Variants in DSCAM observed in about 807,000 individuals in gnomAD.
The protein encoded by DSCAM is DS cell adhesion molecule, also known as cell adhesion molecule DSCAM.
DSCAM carries 47 observed loss-of-function variants against 217.7 expected under a neutral mutation model. That is an observed-to-expected ratio of 0.22 (90% confidence interval 0.17 to 0.28). The LOEUF (loss-of-function observed/expected upper bound fraction) is 0.28, where lower values mean the gene tolerates loss of function less well. Ranked by LOEUF, DSCAM falls within the 10% of genes least tolerant of loss-of-function variation. The probability of loss-of-function intolerance (pLI) is 1.00; values close to 1 mark genes in which losing one functional copy is unlikely to be tolerated. For missense variants in DSCAM, 2,080 were observed against 2,618.3 expected (o/e 0.79, Z 4.49); for synonymous variants, 1,056 against 1,015.3 (o/e 1.04, Z -0.76).
chr21:40,122,868 G>A (rs1193610077), intron 20 of DSCAM, among the ~76,000 whole-genome samples: 1 of 152,152 alleles, frequency 6.6e-6, no homozygotes, highest in Non-Finnish European at 1.5e-5. Flanking sequence ...GGGTACACCA[G>A]GCCTCAGGGG....
At chr21:40,101,472 A>C (rs2146610413) in intron 20 of DSCAM, among the ~76,000 whole-genome samples, 1 of 151,590 alleles carries the variant, frequency 6.6e-6, no homozygotes. Context: ...TTTTTCACAG[A>C]TGGATGGACG....
intron 3 of DSCAM, among the ~76,000 whole-genome samples, chr21:40,581,562 A>G (rs1165975896): frequency 6.6e-6 from 1 of 152,138 alleles, no homozygotes; most frequent in Non-Finnish European, 1.5e-5. Context: ...CCCAGGTGTG[A>G]GAGGAGGGGA....
chr21:40,537,802 A>T (rs2076511083), intron 3 of DSCAM, among the ~76,000 whole-genome samples: 1 of 152,152 alleles, frequency 6.6e-6, no homozygotes, highest in Non-Finnish European at 1.5e-5. Flanking sequence ...TGACTCCTTG[A>T]TCTCAGAATT....
chr21:40,469,554 A>G (rs2145964806), intron 3 of DSCAM, among the ~76,000 whole-genome samples: 1 of 152,348 alleles, frequency 6.6e-6, no homozygotes, highest in East Asian at 1.9e-4. Flanking sequence ...AGCAAAAAGG[A>G]AAAATGTAAT....
intron 3 of DSCAM, among the ~76,000 whole-genome samples, chr21:40,408,668 T>C (rs1363633131): frequency 6.6e-6 from 1 of 152,198 alleles, no homozygotes; most frequent in Non-Finnish European, 1.5e-5. Flanking sequence ...TTTGTTTTTG[T>C]CTGTTGATGT....
chr21:40,060,373 A>T (rs2089097166), intron 28 of DSCAM, among the ~76,000 whole-genome samples: 1 of 152,248 alleles, frequency 6.6e-6, no homozygotes, highest in South Asian at 2.1e-4. Flanking sequence ...AATCATCCTA[A>T]TTGAGCAAAT....
At chr21:40,235,908 G>C (rs1601468668) in intron 11 of DSCAM, among the ~76,000 whole-genome samples, 1 of 152,282 alleles carries the variant, frequency 6.6e-6, no homozygotes, top group South Asian at 2.1e-4. Flanking sequence ...CTGTTGCATG[G>C]ATAATTTTTC....
chr21:40,721,021 G>A (rs1569001588), intron 1 of DSCAM, among the ~76,000 whole-genome samples: 1 of 149,394 alleles, frequency 6.7e-6, no homozygotes, highest in Non-Finnish European at 1.5e-5. Flanking sequence ...GCTCACACAG[G>A]GGAGAAAATA....
chr21:40,028,502 C>T (rs940836178), intron 32 of DSCAM, among the ~76,000 whole-genome samples: 4 of 151,920 alleles, frequency 2.6e-5, no homozygotes, highest in African/African-American at 9.7e-5. Flanking sequence ...ATCAGCGAGA[C>T]TCCATGGGCG....
intron 16 of DSCAM, among the ~76,000 whole-genome samples, chr21:40,152,865 G>A (rs548828364): frequency 3.1e-4 from 47 of 152,180 alleles, no homozygotes; most frequent in Non-Finnish European, 5.3e-4. Context: ...TTTCCCTCAT[G>A]CCTCCTGCCC....
At chr21:40,584,211 C>A (rs2076926727) in intron 3 of DSCAM, among the ~76,000 whole-genome samples, 1 of 152,186 alleles carries the variant, frequency 6.6e-6, no homozygotes, top group Non-Finnish European at 1.5e-5. Flanking sequence ...TGGTGTTACA[C>A]AGGGGCACAG....
In DSCAM at chr21:40,244,880, C is replaced by T. The variant is rs142377920; in HGVS notation, c.2356+31217G>A. Among the ~76,000 whole-genome samples, 46 of 152,256 alleles carry T rather than the reference C, an allele frequency of 3.0e-4. No individual in the cohort carries two copies. The East Asian group carries it at 4.3e-3, about 14-fold the overall frequency. ...CTGTTATGATTTGCATGCAGAAGTA[C>T]TTGAAAATCTGTACTGGCAATTAGC... On this transcript the variant is annotated intron_variant, in intron 11 of 32. Transcript: ENST00000400454.
At chr21:40,821,585 T>C (rs1177037586) in intron 1 of DSCAM, among the ~76,000 whole-genome samples, 1 of 152,216 alleles carries the variant, frequency 6.6e-6, no homozygotes, top group Non-Finnish European at 1.5e-5. Flanking sequence ...CATTTTTAGC[T>C]GCATCCATGT....
intron 3 of DSCAM, among the ~76,000 whole-genome samples, chr21:40,663,192 A>ATGTGCATGTGAGTGTATGTC (rs2146384413): frequency 7.2e-6 from 1 of 138,024 alleles, no homozygotes; most frequent in African/African-American, 2.8e-5. Flanking sequence ...TGTATGACAT[A>ATGTGCATGTGAGTGTATGTC]TGTGCATGTG....
intron 3 of DSCAM, among the ~76,000 whole-genome samples, chr21:40,602,312 C>T (rs755144599): frequency 1.3e-5 from 2 of 152,126 alleles, no homozygotes; most frequent in Non-Finnish European, 2.9e-5. Context: ...CCGCCCGCTG[C>T]GGCTTCTCAA....
chr21:40,657,338 C>T (rs995920543), intron 3 of DSCAM, among the ~76,000 whole-genome samples: 5 of 152,156 alleles, frequency 3.3e-5, no homozygotes, highest in Admixed American at 2.0e-4. Flanking sequence ...CAATAATTAG[C>T]CCTTAAGATG....
At chr21:40,128,452 A>G in intron 19 of DSCAM, among the ~76,000 whole-genome samples, 1 of 151,892 alleles carries the variant, frequency 6.6e-6, no homozygotes, top group Non-Finnish European at 1.5e-5. Flanking sequence ...TTGTTCAGGT[A>G]TCATTGAGGT....
intron 1 of DSCAM, among the ~76,000 whole-genome samples, chr21:40,790,054 T>C (rs1044943233): frequency 2.6e-5 from 4 of 152,112 alleles, no homozygotes; most frequent in Non-Finnish European, 5.9e-5. Context: ...TGAGGCTCAG[T>C]ACAGAAACGG....
At chr21:40,826,157 G>A (rs1319028999) in intron 1 of DSCAM, among the ~76,000 whole-genome samples, 1 of 152,210 alleles carries the variant, frequency 6.6e-6, no homozygotes, top group African/African-American at 2.4e-5. Flanking sequence ...AACAATCAAG[G>A]AGGCCACTTT....
Sources: allele counts gnomAD v4.1 joint callset (sites outside exome capture counted in the v4.1 genomes callset), GRCh38; gene constraint gnomAD v4.1.1; transcripts MANE v1.5; gene names NCBI Gene and HGNC (gene_info 2026-07-23, HGNC 2026-07-21).